Variants in USP25 observed in about 807,000 individuals in gnomAD.
The protein encoded by USP25 is ubiquitin carboxyl-terminal hydrolase 25.
A neutral mutation model predicts 158.5 loss-of-function variants in USP25; 85 were observed. That is an observed-to-expected ratio of 0.54 (90% CI 0.45 to 0.64). The LOEUF (loss-of-function observed/expected upper bound fraction) is 0.64. Among genes scored for constraint, USP25 ranks in the 30% least tolerant of loss-of-function variants. USP25 has a pLI of 0.00. For missense variants in USP25, 1,242 were observed against 1,327.3 expected, an observed-to-expected ratio of 0.94 and a Z score of 1.00; for synonymous variants, 464 against 460.4, an observed-to-expected ratio of 1.01 and a Z score of -0.10.
chr21:15,856,835 T>A (rs1392657519), intron 20 of USP25, among the ~76,000 whole-genome samples: 1 of 152,198 alleles, frequency 6.6e-6, no homozygotes, highest in African/African-American at 2.4e-5. Flanking sequence ...ATTATTCATA[T>A]CAGGATTTGT....
intron 10 of USP25, among the ~76,000 whole-genome samples, chr21:15,820,902 G>A (rs1032516887): frequency 6.6e-6 from 1 of 151,876 alleles, no homozygotes; most frequent in Non-Finnish European, 1.5e-5. Context: ...TTGGCTATAA[G>A]AGTTTAAATT....
chr21:15,779,014 A>G (rs913747085), intron 4 of USP25, among the ~76,000 whole-genome samples: 7 of 152,120 alleles, frequency 4.6e-5, no homozygotes, highest in African/African-American at 1.7e-4. Context: ...AGATTACTAT[A>G]TGGTAGGAAA....
Position 15,808,791 on chromosome 21 carries a change from GC to G in USP25, c.781-17del, listed in dbSNP as rs2036517771. On this transcript the variant is annotated splice_polypyrimidine_tract_variant and intron_variant, in intron 7 of 25. Coordinates refer to ENST00000400183, the MANE Select transcript of USP25 (RefSeq NM_001283041.3). ...TTTTAGTAGGCTCAAATATCAACAG[GC>G]TTTTTTCTTTTCACAGCAAGATGTG... The G allele has an allele frequency of 6.3e-7, 1 of 1,577,644 alleles. No individual in the cohort carries two copies. Among genetic ancestry groups the G allele is most frequent in the African/African-American group, 1.4e-5 (1 of 72,676 alleles).
At chr21:15,735,882 A>G (rs1601229911) in intron 1 of USP25, among the ~76,000 whole-genome samples, 1 of 151,938 alleles carries the variant, frequency 6.6e-6, no homozygotes, top group Non-Finnish European at 1.5e-5. Flanking sequence ...TCTAGGGTCA[A>G]ATTTTAAATT....
intron 17 of USP25, among the ~76,000 whole-genome samples, chr21:15,840,616 G>A (rs913901588): frequency 1.1e-4 from 16 of 152,238 alleles, no homozygotes; most frequent in African/African-American, 3.9e-4. Flanking sequence ...TTAGCCAGAA[G>A]CATTCAGTGT....
At chr21:15,850,211 A>T (rs2038822016) in intron 20 of USP25, among the ~76,000 whole-genome samples, 1 of 152,090 alleles carries the variant, frequency 6.6e-6, no homozygotes, top group South Asian at 2.1e-4. Flanking sequence ...TTGCCCTGGT[A>T]ATAGTTTATT....
chr21:15,777,531 CGGGTTAACT>C (rs2034727535), intron 3 of USP25, among the ~76,000 whole-genome samples: 1 of 152,078 alleles, frequency 6.6e-6, no homozygotes, highest in Non-Finnish European at 1.5e-5. Flanking sequence ...CGTATGTAAT[CGGGTTAACT>C]TCAGAAAGCA....
Position 15,766,719 on chromosome 21 carries a change from A to G in USP25, c.268+578A>G, listed in dbSNP as rs1049584619. ...TGGGACTTAAGTTTTTCTTCATAAT[A>G]TGAATACTTTATACTTATGTAGCGC... On this transcript the variant is annotated intron_variant, in intron 3 of 25. Coordinates refer to ENST00000400183, the MANE Select transcript of USP25 (RefSeq NM_001283041.3). The surrounding 1 kb of genome is among the most constrained non-coding windows in gnomAD (Gnocchi z 4.0). Among the ~76,000 whole-genome samples, 3 of 152,088 alleles carry G rather than the reference A, an allele frequency of 2.0e-5. No homozygotes were observed. Among genetic ancestry groups the G allele is most frequent in the African/African-American group, 7.2e-5 (3 of 41,450 alleles).
At chr21:15,792,157 AATAAATATTG>A in intron 5 of USP25, among the ~76,000 whole-genome samples, 1 of 151,766 alleles carries the variant, frequency 6.6e-6, no homozygotes, top group Non-Finnish European at 1.5e-5. Context: ...TGATGTGATG[AATAAATATTG>A]ATAAATCAAG....
intron 4 of USP25, among the ~76,000 whole-genome samples, chr21:15,787,446 C>T (rs534379032): frequency 3.9e-5 from 6 of 152,216 alleles, no homozygotes; most frequent in African/African-American, 1.4e-4. Context: ...GAAATGGACA[C>T]ACCTACAGCC....
intron 23 of USP25, 150 bp from the exon 24 acceptor site, chr21:15,874,253 C>T (rs1008792504): frequency 1.0e-5 from 6 of 585,588 alleles, no homozygotes; most frequent in African/African-American, 2.0e-5. Flanking sequence ...AAAAGGCGCT[C>T]TCAAGCATAC....
Position 15,826,917 on chromosome 21 carries a change from A to G in USP25, c.1467-60A>G. 3.2e-6 allele frequency: 5 copies of G among 1,571,580 alleles called. No homozygotes were observed. In the South Asian group the frequency reaches 4.5e-5, roughly 14 times the overall value. ...AATTTAATACTGTGGGTTTGGCACG[A>G]TCTTTGTCAAGAGTTTCAGCTTGAA... On this transcript the variant is annotated intron_variant, in intron 13 of 25. Coordinates refer to ENST00000400183, the MANE Select transcript of USP25 (RefSeq NM_001283041.3). The surrounding 1 kb of genome is among the most constrained non-coding windows in gnomAD (Gnocchi z 4.8).
chr21:15,791,147 A>G (rs79886252), intron 4 of USP25, among the ~76,000 whole-genome samples: 10,395 of 151,840 alleles, frequency 0.068, 413 homozygotes, highest in East Asian at 0.093. Context: ...AAAAGTGGTC[A>G]TCATGTTATA....
chr21:15,847,602 G>A, intron 18 of USP25, 61 bp from the exon 19 acceptor site: 13 of 1,151,416 alleles, frequency 1.1e-5, no homozygotes, highest in Non-Finnish European at 1.7e-5. Context: ...GTTGTGCAAG[G>A]ATGCCATTGT....
chr21:15,859,969 G>GTATATA (rs1407045662), intron 20 of USP25, among the ~76,000 whole-genome samples: 2 of 138,480 alleles, frequency 1.4e-5, no homozygotes, highest in African/African-American at 5.3e-5. Flanking sequence ...ATATATATAT[G>GTATATA]TATATATATA....
intron 9 of USP25, 128 bp from the exon 10 acceptor site, chr21:15,818,570 T>C (rs1457421183): frequency 1.3e-6 from 1 of 781,382 alleles, no homozygotes; most frequent in African/African-American, 1.7e-5. Context: ...AAATTAACAC[T>C]AACACTTCTC....
chr21:15,751,942 A>C (rs1420893683), intron 1 of USP25, among the ~76,000 whole-genome samples: 2 of 152,306 alleles, frequency 1.3e-5, no homozygotes, highest in East Asian at 1.9e-4. Context: ...TAATTAAAAA[A>C]ATTTTTTTTA....
chr21:15,752,309 G>T (rs965057573), intron 1 of USP25, among the ~76,000 whole-genome samples: 2 of 151,530 alleles, frequency 1.3e-5, no homozygotes, highest in Non-Finnish European at 2.9e-5. Context: ...TCCACCTCCC[G>T]GGTTCAAGCA....
Position 15,765,934 on chromosome 21 carries a change from T to C in USP25, c.124-63T>C, listed in dbSNP as rs113015430. 5.9e-6 allele frequency: 9 copies of C among 1,532,164 alleles called. No individual in the cohort carries two copies. In the African/African-American group the frequency reaches 1.1e-4, roughly 19 times the overall value. 94.9% of individuals were successfully genotyped at this position (1,532,164 alleles called of 1,614,324 possible). A position where few individuals can be genotyped will look rare whatever the true frequency, so the allele number is the denominator to read the frequency against. On this transcript the variant is annotated intron_variant, in intron 2 of 25. Transcript: ENST00000400183. ...CTAGAGAGTTATGGAGAATATTGTATAACTTTTTTTGATGGATAAAATTAT... is the reference window on the plus strand; with the variant it reads ...CTAGAGAGTTATGGAGAATATTGTACAACTTTTTTTGATGGATAAAATTAT...
Sources: allele counts gnomAD v4.1 joint callset (sites outside exome capture counted in the v4.1 genomes callset), GRCh38; gene constraint gnomAD v4.1.1; non-coding constraint Gnocchi (gnomAD v3.1); transcripts MANE v1.5; gene names NCBI Gene and HGNC (gene_info 2026-07-23, HGNC 2026-07-21).